The following PNPT1 variants were observed in gnomAD, a reference collection of about 807,000 sequenced individuals.
The protein encoded by PNPT1 is polyribonucleotide nucleotidyltransferase 1, mitochondrial.
PNPT1 carries 53 observed loss-of-function variants against 119.5 expected under a neutral mutation model. The observed-to-expected ratio is 0.44, with a 90% CI of 0.36 to 0.56. PNPT1 has a LOEUF of 0.56. PNPT1 is among the 20% of genes least tolerant of loss of function. The pLI, the probability that PNPT1 is intolerant of heterozygous loss-of-function variation, is 0.00. For synonymous variants in PNPT1, 357 were observed against 322.1 expected (o/e 1.11, Z -1.16); for missense variants, 948 against 938.5 (o/e 1.01, Z -0.13).
At position 55,664,632 on chromosome 2, in the gene PNPT1, A is replaced by G. The variant is rs370310254; in HGVS notation, c.1176+2359T>C. Among the ~76,000 whole-genome samples, 12 of 152,344 alleles carry G rather than the reference A, an allele frequency of 7.9e-5. No homozygotes were observed. In the East Asian group the frequency reaches 1.5e-3, roughly 20 times the overall value. On this transcript the variant is annotated intron_variant, in intron 13 of 27. Transcript: ENST00000447944. ...AGTAAAAAATAGAGAAACAAAAAAC[A>G]GAAGGGCAAAAGAAAAACAAATAAT...
chr2:55,691,878 A>ATATATATATATATAT (rs1326804958), intron 1 of PNPT1, among the ~76,000 whole-genome samples: 1 of 33,132 alleles, frequency 3.0e-5, no homozygotes. Flanking sequence ...ATATATATAT[A>ATATATATATATATAT]TTTTTTTTTT....
In PNPT1 at chr2:55,643,364, A is replaced by T; in HGVS notation, c.1968T>A (p.Ala656=). 6.2e-7 allele frequency: 1 copy of T among 1,614,244 alleles called. No individual in the cohort carries two copies. Among genetic ancestry groups the T allele is most frequent in the Admixed American group, 1.7e-5 (1 of 60,022 alleles). ...TAATGAAGTCTCTTGCCTCATGCATAGCACTGGGTGTTGGTGCAAATACAG... is the reference window on the plus strand; with the variant it reads ...TAATGAAGTCTCTTGCCTCATGCATTGCACTGGGTGTTGGTGCAAATACAG... The part of the protein sequence containing the change: ...TFSVFAPTPS[A]MHEARDFITE... The change falls in exon 24 of 28, where the codon GCT becomes GCA. Residue 656 remains alanine, a synonymous_variant. Transcript: ENST00000447944.
intron 1 of PNPT1, among the ~76,000 whole-genome samples, chr2:55,692,797 A>G (rs1174971819): frequency 6.6e-6 from 1 of 152,152 alleles, no homozygotes; most frequent in East Asian, 1.9e-4. Flanking sequence ...TAGGCAATCA[A>G]TTAGATTGGA....
At chr2:55,644,768 G>T in intron 22 of PNPT1, 48 bp from the exon 23 acceptor site, 2 of 1,372,832 alleles carry the variant, frequency 1.5e-6, no homozygotes, top group Non-Finnish European at 2.0e-6. Context: ...CTACATACAT[G>T]AACCTAAAAC....
chr2:55,651,628 C>T (rs1696206480), intron 18 of PNPT1, among the ~76,000 whole-genome samples: 1 of 150,968 alleles, frequency 6.6e-6, no homozygotes, highest in South Asian at 2.1e-4. Context: ...CCCAGGGACA[C>T]AAACACTGCG....
At chr2:55,636,542 A>G (rs1201687979) in intron 27 of PNPT1, 150 bp from the exon 28 acceptor site, 16 of 728,666 alleles carry the variant, frequency 2.2e-5, no homozygotes, top group Non-Finnish European at 3.3e-5. Context: ...GTGGACGTAT[A>G]CACTTAACAC....
At chr2:55,692,513 AC>A (rs1242919609) in intron 1 of PNPT1, among the ~76,000 whole-genome samples, 1 of 152,114 alleles carries the variant, frequency 6.6e-6, no homozygotes, top group Non-Finnish European at 1.5e-5. Flanking sequence ...ATTAAAGCAA[AC>A]TTTTTTTTTA....
At chr2:55,669,706 C>A (rs1696844598) in intron 11 of PNPT1, among the ~76,000 whole-genome samples, 1 of 151,462 alleles carries the variant, frequency 6.6e-6, no homozygotes, top group Non-Finnish European at 1.5e-5. Flanking sequence ...TGAGAAAGGA[C>A]TAAACATATT....
At chr2:55,645,718 T>C (rs1425482784) in intron 21 of PNPT1, among the ~76,000 whole-genome samples, 1 of 152,168 alleles carries the variant, frequency 6.6e-6, no homozygotes, top group Non-Finnish European at 1.5e-5. Context: ...AAAATAGATA[T>C]GGGATCTCAC....
chr2:55,655,236 C>CA (rs1696348877), intron 17 of PNPT1, among the ~76,000 whole-genome samples: 1 of 152,242 alleles, frequency 6.6e-6, no homozygotes, highest in East Asian at 1.9e-4. Flanking sequence ...TCTATCATCA[C>CA]AAAAAGTTTT....
chr2:55,667,613 C>CA (rs1410730236), intron 12 of PNPT1, among the ~76,000 whole-genome samples: 2 of 150,776 alleles, frequency 1.3e-5, no homozygotes, highest in Non-Finnish European at 3.0e-5. Context: ...AACAAACAAA[C>CA]AAAAAACTCT....
Position 55,646,438 on chromosome 2 carries a change from T to A in PNPT1, c.1651A>T (p.Asn551Tyr). 3 of 1,612,850 alleles carry A rather than the reference T, an allele frequency of 1.9e-6. No homozygotes were observed. The highest frequency in any genetic ancestry group is 2.5e-6 in the Non-Finnish European group (3 of 1,179,556). The change falls in exon 20 of 28, where the codon AAT (asparagine) becomes TAT (tyrosine). Residue 551 changes from asparagine (N) to tyrosine (Y), a missense_variant. By Grantham distance (143) the Asn-to-Tyr change is moderately radical (BLOSUM62 -2). Transcript: ENST00000447944. ...ACCTGTAATGCAGTTATTCCTTTAT[T>A]AGTGCCAGCTATTTTGAAGTCCATG... is the stretch of plus-strand genomic sequence containing the variant. ...GDMDFKIAGT[N>Y]KGITALQADI...
chr2:55,670,494 A>C (rs560315473), intron 11 of PNPT1, among the ~76,000 whole-genome samples: 102 of 152,280 alleles, frequency 6.7e-4, no homozygotes, highest in Middle Eastern at 3.4e-3. Flanking sequence ...CCAGAGGTTG[A>C]TATTATACAG....
At position 55,649,464 on chromosome 2, in the gene PNPT1, T is replaced by C. The variant is rs1322512105; in HGVS notation, c.1496-2011A>G. ...AGATCTGTTTATTTTTTTAGAAAGC[T>C]GTCCTTTACCCTAAATATTAAAATA... On this transcript the variant is annotated intron_variant, in intron 18 of 27. Transcript: ENST00000447944. Among the ~76,000 whole-genome samples, 19 of 152,368 alleles carry C rather than the reference T, an allele frequency of 1.2e-4. 1 individual carries two copies. The East Asian group carries it at 3.7e-3, about 29-fold the overall frequency.
intron 25 of PNPT1, among the ~76,000 whole-genome samples, chr2:55,641,397 C>G (rs1355042750): frequency 1.3e-5 from 2 of 150,514 alleles, no homozygotes; most frequent in Non-Finnish European, 3.0e-5. Context: ...GTCTCCCAAG[C>G]AGCTGGGATT....
chr2:55,685,385 G>A (rs920958770), intron 3 of PNPT1, among the ~76,000 whole-genome samples: 3 of 152,094 alleles, frequency 2.0e-5, no homozygotes, highest in African/African-American at 7.2e-5. Context: ...AAAATTAGTT[G>A]GGCACAATGG....
intron 3 of PNPT1, among the ~76,000 whole-genome samples, chr2:55,685,527 TC>T (rs146835259): frequency 0.084 from 12,774 of 151,912 alleles, 646 homozygotes; most frequent in South Asian, 0.14. Flanking sequence ...CAAGACCCTG[TC>T]TCTTAAAAAA....
intron 25 of PNPT1, among the ~76,000 whole-genome samples, chr2:55,642,527 A>G (rs1309212140): frequency 1.4e-5 from 2 of 143,724 alleles, no homozygotes; most frequent in Non-Finnish European, 3.0e-5. Context: ...AATGGCGTGA[A>G]CCCGGGAGGC....
chr2:55,641,143 G>C (rs558719494), intron 25 of PNPT1, among the ~76,000 whole-genome samples: 12 of 152,252 alleles, frequency 7.9e-5, no homozygotes, highest in Admixed American at 7.2e-4. Flanking sequence ...AGAATTGTTT[G>C]AACCCGAAAG....
Sources: allele counts gnomAD v4.1 joint callset (sites outside exome capture counted in the v4.1 genomes callset), GRCh38; gene constraint gnomAD v4.1.1; transcripts MANE v1.5; gene names NCBI Gene and HGNC (gene_info 2026-07-23, HGNC 2026-07-21).